Variants in GRIN2B observed in about 807,000 individuals in gnomAD.
The protein encoded by GRIN2B is glutamate ionotropic receptor NMDA type subunit 2B, also known as glutamate receptor ionotropic, NMDA 2B.
GRIN2B carries 5 observed loss-of-function variants against 114.5 expected under a neutral mutation model. The observed-to-expected ratio is 0.04, with a 90% CI of 0.02 to 0.09. The LOEUF (loss-of-function observed/expected upper bound fraction) is 0.09. Among genes scored for constraint, GRIN2B ranks in the 10% least tolerant of loss-of-function variants. The probability of loss-of-function intolerance (pLI) is 1.00; values close to 1 mark genes in which losing one functional copy is unlikely to be tolerated. For missense variants in GRIN2B, 1,108 were observed against 1,943.5 expected (o/e 0.57, Z 8.08); for synonymous variants, 787 against 745.1 (o/e 1.06, Z -0.92).
intron 11 of GRIN2B, among the ~76,000 whole-genome samples, chr12:13,571,386 T>C (rs559761245): frequency 9.8e-5 from 15 of 152,340 alleles, no homozygotes; most frequent in Admixed American, 7.2e-4. Flanking sequence ...GCATTCTTAC[T>C]GTTAATTATC....
chr12:13,609,376 T>C (rs1949330885), intron 9 of GRIN2B, among the ~76,000 whole-genome samples: 1 of 152,210 alleles, frequency 6.6e-6, no homozygotes, highest in Non-Finnish European at 1.5e-5. Flanking sequence ...CTGATTTTTC[T>C]TTAGCTTCTA....
At chr12:13,751,482 G>C (rs1192607402) in intron 4 of GRIN2B, among the ~76,000 whole-genome samples, 1 of 152,172 alleles carries the variant, frequency 6.6e-6, no homozygotes, top group East Asian at 1.9e-4. Context: ...CGGCATTCCA[G>C]AGGTATGGGG....
In GRIN2B at chr12:13,618,496, A is replaced by G. The variant is rs1172073744; in HGVS notation, c.1126-1839T>C. On this transcript the variant is annotated intron_variant, in intron 5 of 13. Transcript: ENST00000609686. ...TATTGCTACTAGCCTGGCCTATTAT[A>G]GCCCAGCGGCCCATTCTGACATTAT... 2.6e-5 allele frequency among the ~76,000 whole-genome samples: 4 copies of G among 152,152 alleles called. No individual in the cohort carries two copies. In the East Asian group the frequency reaches 7.7e-4, roughly 29 times the overall value.
intron 4 of GRIN2B, among the ~76,000 whole-genome samples, chr12:13,691,766 G>A (rs888169997): frequency 2.6e-5 from 4 of 152,134 alleles, no homozygotes; most frequent in South Asian, 2.1e-4. Flanking sequence ...GAAACAGCAT[G>A]CAGCATGCTG....
intron 3 of GRIN2B, among the ~76,000 whole-genome samples, chr12:13,855,709 C>T (rs1865649413): frequency 6.6e-6 from 1 of 152,096 alleles, no homozygotes; most frequent in Admixed American, 6.6e-5. Context: ...TAGGGCCCAC[C>T]CAAATAATTC....
chr12:13,708,612 G>A (rs1184043456), intron 4 of GRIN2B, among the ~76,000 whole-genome samples: 1 of 151,930 alleles, frequency 6.6e-6, no homozygotes, highest in Middle Eastern at 3.2e-3. Context: ...AATTTGTGGG[G>A]TTTTTTGAGC....
At chr12:13,730,153 G>A in intron 4 of GRIN2B, among the ~76,000 whole-genome samples, 1 of 151,684 alleles carries the variant, frequency 6.6e-6, no homozygotes. Context: ...CCCTTGGCAG[G>A]GAAAATTCAG....
chr12:13,937,300 T>C (rs1591631338), intron 2 of GRIN2B, among the ~76,000 whole-genome samples: 1 of 151,804 alleles, frequency 6.6e-6, no homozygotes, highest in African/African-American at 2.4e-5. Flanking sequence ...GACTTACAGG[T>C]CCAAGAAGCT....
chr12:13,736,845 C>T (rs917456838), intron 4 of GRIN2B, among the ~76,000 whole-genome samples: 1 of 151,764 alleles, frequency 6.6e-6, no homozygotes, highest in Admixed American at 6.6e-5. Context: ...CATGGTGAAA[C>T]CCCATTTCTA....
chr12:13,958,924 G>C (rs1436851937), intron 2 of GRIN2B, among the ~76,000 whole-genome samples: 3 of 152,042 alleles, frequency 2.0e-5, no homozygotes, highest in Non-Finnish European at 4.4e-5. Context: ...CCTCTATCCA[G>C]AGCACTTGAT....
Position 13,553,831 on chromosome 12 carries a change from C to T in GRIN2B, c.*8952G>A, listed in dbSNP as rs1948446424. ...GATCAATATCCTTCATAGTTTCTCCCTCTGTCACTTACTTGAACACATGTA... is the reference window on the plus strand; with the variant it reads ...GATCAATATCCTTCATAGTTTCTCCTTCTGTCACTTACTTGAACACATGTA... On this transcript the variant is annotated 3_prime_UTR_variant, in exon 14 of 14. Coordinates refer to ENST00000609686, the MANE Select transcript of GRIN2B (RefSeq NM_000834.5). 1 of 152,196 alleles carries T rather than the reference C, an allele frequency of 6.6e-6. No homozygotes were observed. The highest frequency in any genetic ancestry group is 2.4e-5 in the African/African-American group (1 of 41,454). 9.4% of individuals were successfully genotyped at this position (152,196 alleles called of 1,614,324 possible).
At position 13,863,108 on chromosome 12, in the gene GRIN2B, A is replaced by G. The variant is rs2300279; in HGVS notation, c.411+2690T>C. On this transcript the variant is annotated intron_variant, in intron 3 of 13. Transcript: ENST00000609686. ...TATTTGGGTGTGGTAGCAATGAAGG[A>G]AGGAGCAAGGGGAAAGTGATGAGAG... Among the ~76,000 whole-genome samples, 7 of 152,196 alleles carry G rather than the reference A, an allele frequency of 4.6e-5. No individual in the cohort carries two copies. In the South Asian group the frequency reaches 1.5e-3, roughly 32 times the overall value.
chr12:13,543,064 C>G lies in GRIN2B; in HGVS notation c.*19719G>C, dbSNP rs1342593863. The G allele has an allele frequency of 6.6e-6, 1 of 152,158 alleles. No individual in the cohort carries two copies. The highest frequency in any genetic ancestry group is 2.4e-5 in the African/African-American group (1 of 41,422). The allele number at this position is 152,158 out of a possible 1,614,324, so 9.4% of individuals were successfully genotyped here. ...TGCAATGATTGAAATGTTCTCGAAT[C>G]ACTCTCCCTCATTCCTGTCATAATT... On this transcript the variant is annotated 3_prime_UTR_variant, in exon 14 of 14. Transcript: ENST00000609686.
intron 10 of GRIN2B, among the ~76,000 whole-genome samples, chr12:13,608,036 T>G (rs1395684678): frequency 6.6e-6 from 1 of 151,962 alleles, no homozygotes; most frequent in Non-Finnish European, 1.5e-5. Context: ...CGCAGAGGCC[T>G]GCAATTAGTA....
chr12:13,861,913 T>G (rs1865758761), intron 3 of GRIN2B, among the ~76,000 whole-genome samples: 1 of 152,214 alleles, frequency 6.6e-6, no homozygotes, highest in South Asian at 2.1e-4. Context: ...GCTGGACACT[T>G]CAGTGAAGCA....
chr12:13,972,549 A>G (rs1981781), intron 2 of GRIN2B, among the ~76,000 whole-genome samples: 31,475 of 152,176 alleles, frequency 0.21, 4,241 homozygotes, highest in Non-Finnish European at 0.3. Context: ...GATGCTATGT[A>G]GATGAGCAAA....
chr12:13,563,897 G>T lies in GRIN2B; in HGVS notation c.3341C>A (p.Pro1114His). The T allele has an allele frequency of 6.2e-7, 1 of 1,614,136 alleles. No homozygotes were observed. Among genetic ancestry groups the T allele is most frequent in the Non-Finnish European group, 8.5e-7 (1 of 1,180,012 alleles). Reference protein sequence around the residue: ...EIELAYRRRPPRSPDHKRYFR... With the variant: ...EIELAYRRRPHRSPDHKRYFR... ...GTAGCGCTTGTGGTCAGGGGAGCGG[G>T]GCGGTCGGCGACGGTAGGCCAGCTC... The change falls in exon 14 of 14, where the codon CCC becomes CAC. Residue 1114 changes from proline to histidine, a missense_variant. Around this residue, in one of 19 missense-constraint regions of GRIN2B, gnomAD observed 478 missense variants for 506.0 expected, o/e 0.94. Transcript: ENST00000609686.
chr12:13,640,184 G>C (rs575501668), intron 5 of GRIN2B, among the ~76,000 whole-genome samples: 4 of 152,264 alleles, frequency 2.6e-5, no homozygotes, highest in Non-Finnish European at 4.4e-5. Context: ...CCAGGAGTTT[G>C]AGGCTGCAGT....
At chr12:13,567,328 G>A in intron 12 of GRIN2B, 65 bp from the exon 13 acceptor site, 1 of 1,105,812 alleles carries the variant, frequency 9.0e-7, no homozygotes, top group South Asian at 1.3e-5. Flanking sequence ...AGAGAAAAGG[G>A]AGAAAGAGGA....
Sources: allele counts gnomAD v4.1 joint callset (sites outside exome capture counted in the v4.1 genomes callset), GRCh38; gene constraint gnomAD v4.1.1; regional missense constraint gnomAD v4.1.1; transcripts MANE v1.5; gene names NCBI Gene and HGNC (gene_info 2026-07-23, HGNC 2026-07-21).